Variants in FNDC3B observed in about 807,000 individuals in gnomAD.
FNDC3B encodes the protein fibronectin type III domain-containing protein 3B.
FNDC3B carries 12 observed loss-of-function variants against 151.5 expected under a neutral mutation model. The ratio of observed to expected loss-of-function variants is 0.08; its 90% CI spans 0.05 to 0.13. FNDC3B has a LOEUF of 0.13. Among genes scored for constraint, FNDC3B ranks in the 10% least tolerant of loss-of-function variants. The pLI is 1.00. For synonymous variants in FNDC3B, 528 were observed against 549.0 expected (o/e 0.96, Z 0.54); for missense variants, 1,214 against 1,505.3 (o/e 0.81, Z 3.20).
chr3:172,271,753 C>T (rs1223084250), intron 6 of FNDC3B, among the ~76,000 whole-genome samples: 2 of 152,106 alleles, frequency 1.3e-5, no homozygotes, highest in African/African-American at 4.8e-5. Flanking sequence ...CCATCTTTTT[C>T]CAAACGTTCA....
chr3:172,369,994 A>G (rs1274314657), intron 23 of FNDC3B, among the ~76,000 whole-genome samples: 1 of 152,110 alleles, frequency 6.6e-6, no homozygotes, highest in Non-Finnish European at 1.5e-5. Context: ...TTTAATGAAT[A>G]TTGCTGAGCT....
intron 15 of FNDC3B, 90 bp downstream of exon 15, chr3:172,335,172 A>C: frequency 7.4e-7 from 1 of 1,359,950 alleles, no homozygotes; most frequent in Non-Finnish European, 9.8e-7. Flanking sequence ...TGACAAGCCA[A>C]AAAAATTGTG....
intron 22 of FNDC3B, among the ~76,000 whole-genome samples, chr3:172,354,118 A>G (rs191011842): frequency 1.2e-3 from 182 of 152,300 alleles, no homozygotes; most frequent in African/African-American, 4.1e-3. Context: ...TACCAAATGA[A>G]GGAAAATCAA....
At chr3:172,300,888 A>G (rs1667113852) in intron 9 of FNDC3B, among the ~76,000 whole-genome samples, 1 of 152,210 alleles carries the variant, frequency 6.6e-6, no homozygotes, top group African/African-American at 2.4e-5. Flanking sequence ...CACAGTCCAT[A>G]TAGATCATAC....
At chr3:172,160,822 A>T (rs887748228) in intron 3 of FNDC3B, among the ~76,000 whole-genome samples, 1 of 152,264 alleles carries the variant, frequency 6.6e-6, no homozygotes, top group Non-Finnish European at 1.5e-5. Flanking sequence ...ACTGTCATAA[A>T]TCCAGAGTAA....
intron 1 of FNDC3B, among the ~76,000 whole-genome samples, chr3:172,111,240 G>C (rs1719949244): frequency 6.6e-6 from 1 of 151,878 alleles, no homozygotes; most frequent in Non-Finnish European, 1.5e-5. Context: ...TCCATCATTT[G>C]ACCTGTTCAT....
At chr3:172,360,872 A>T (rs182724870) in intron 22 of FNDC3B, among the ~76,000 whole-genome samples, 8 of 152,224 alleles carry the variant, frequency 5.3e-5, no homozygotes, top group Non-Finnish European at 1.2e-4. Flanking sequence ...GTGATTCTTC[A>T]AACTTTATTC....
intron 3 of FNDC3B, among the ~76,000 whole-genome samples, chr3:172,170,885 G>GC (rs1723246406): frequency 6.6e-6 from 1 of 152,142 alleles, no homozygotes; most frequent in African/African-American, 2.4e-5. Flanking sequence ...AAACCTTTGA[G>GC]CCACCTTTAT....
chr3:172,383,923 C>G (rs1735578145), intron 25 of FNDC3B, among the ~76,000 whole-genome samples: 1 of 152,052 alleles, frequency 6.6e-6, no homozygotes, highest in African/African-American at 2.4e-5. Flanking sequence ...CATTCTTCGT[C>G]AGCACTTTTA....
chr3:172,365,504 A>G (rs1734576105), intron 23 of FNDC3B, among the ~76,000 whole-genome samples: 2 of 152,216 alleles, frequency 1.3e-5, no homozygotes, highest in African/African-American at 4.8e-5. Context: ...ATGTAAATAA[A>G]AGGGATCCCA....
At position 172,281,402 on chromosome 3, in the gene FNDC3B, G is replaced by A. The variant is rs180840161; in HGVS notation, c.791-4524G>A. Among the ~76,000 whole-genome samples the A allele has an allele frequency of 8.5e-5, 13 of 152,188 alleles. No homozygotes were observed. In the East Asian group the frequency reaches 1.9e-3, roughly 23 times the overall value. On this transcript the variant is annotated intron_variant, in intron 6 of 25. Transcript: ENST00000415807. ...TGGGATTGCAGGTGTGCGCCACCAC[G>A]CCCGGCTAATGCCATTCAACTGCTA...
chr3:172,140,993 C>T (rs142467115), intron 3 of FNDC3B, among the ~76,000 whole-genome samples: 16 of 152,272 alleles, frequency 1.1e-4, no homozygotes, highest in Admixed American at 4.6e-4. Context: ...CTGGTCATTT[C>T]GTAGCTAATG....
At chr3:172,094,491 C>A (rs1207695698) in intron 1 of FNDC3B, among the ~76,000 whole-genome samples, 1 of 152,056 alleles carries the variant, frequency 6.6e-6, no homozygotes, top group Non-Finnish European at 1.5e-5. Flanking sequence ...TATTTTATTC[C>A]TTTTTAAGGA....
At chr3:172,182,702 C>G (rs57866420) in intron 3 of FNDC3B, among the ~76,000 whole-genome samples, 23,883 of 152,114 alleles carry the variant, frequency 0.16, 2,012 homozygotes, top group Admixed American at 0.2. Flanking sequence ...TGAATGTATC[C>G]TCCATGTTTT....
intron 1 of FNDC3B, among the ~76,000 whole-genome samples, chr3:172,098,555 A>G (rs1170618271): frequency 1.3e-5 from 2 of 152,256 alleles, no homozygotes; most frequent in Non-Finnish European, 2.9e-5. Flanking sequence ...TTGCACATTC[A>G]ATGTTAACAC....
At chr3:172,162,901 TTTTAGAAGC>T (rs1722847287) in intron 3 of FNDC3B, among the ~76,000 whole-genome samples, 1 of 152,166 alleles carries the variant, frequency 6.6e-6, no homozygotes, top group South Asian at 2.1e-4. Flanking sequence ...GAAATAATTG[TTTTAGAAGC>T]TCAAATCTAA....
intron 14 of FNDC3B, among the ~76,000 whole-genome samples, chr3:172,334,413 A>G (rs1457683963): frequency 2.7e-5 from 4 of 150,022 alleles, no homozygotes; most frequent in Admixed American, 2.0e-4. Context: ...GGGTAAAAAT[A>G]TCTTTAAAAC....
intron 3 of FNDC3B, among the ~76,000 whole-genome samples, chr3:172,158,750 C>T (rs945958475): frequency 8.6e-5 from 13 of 152,046 alleles, no homozygotes; most frequent in Admixed American, 3.3e-4. Context: ...TTTTTGTTTT[C>T]CCTACAAGTT....
intron 1 of FNDC3B, among the ~76,000 whole-genome samples, chr3:172,092,212 C>G (rs915510786): frequency 3.9e-5 from 6 of 152,116 alleles, no homozygotes; most frequent in Non-Finnish European, 7.4e-5. Context: ...TGCAAAAGCT[C>G]TGTATGGACT....
Sources: gnomAD v4.1 joint callset for allele counts (sites outside exome capture counted in the v4.1 genomes callset) on GRCh38, gnomAD v4.1.1 for gene constraint, MANE v1.5 for transcripts, NCBI Gene and HGNC (gene_info 2026-07-23, HGNC 2026-07-21) for gene names.